Variants in SLC19A1 observed in about 807,000 individuals in gnomAD.
The protein encoded by SLC19A1 is reduced folate transporter.
In SLC19A1, 37 loss-of-function variants were observed where a neutral mutation model predicts 35.3. That is an observed-to-expected ratio of 1.05 (90% CI 0.81 to 1.38). SLC19A1 has a LOEUF of 1.38. Ranked by LOEUF, SLC19A1 falls within the 40% of genes most tolerant of loss-of-function variation. The pLI is 0.00. For missense variants in SLC19A1, 831 were observed against 826.9 expected, an observed-to-expected ratio of 1.00 and a Z score of -0.06; for synonymous variants, 460 against 398.5, an observed-to-expected ratio of 1.15 and a Z score of -1.84.
At chr21:45,512,362 C>T (rs1171902353), downstream of SLC19A1, 5 of 1,612,788 alleles carry the variant, frequency 3.1e-6, no homozygotes, top group Non-Finnish European at 4.2e-6. Context: ...ACATCGTGCT[C>T]TGCATTGAGA....
chr21:45,537,897 C>A lies in SLC19A1; in HGVS notation c.63G>T (p.Glu21Asp). The A allele has an allele frequency of 6.3e-7, 1 of 1,598,392 alleles. No homozygotes were observed. Among genetic ancestry groups the A allele is most frequent in the Non-Finnish European group, 8.5e-7 (1 of 1,175,532 alleles). Residue 21 changes from glutamate to aspartate, a missense_variant, in exon 2 of 6, where the codon GAG becomes GAT. Transcript: ENST00000311124. ...ACACGAGGTGCCGCCAGGACCGGAG[C>A]TCGGGGTCAGGCCCAGGTTCCACGG... ...QVPVEPGPDP[E>D]LRSWRHLVCY...
chr21:45,511,302 G>A, downstream of SLC19A1: 1 of 766,364 alleles, frequency 1.3e-6, no homozygotes, highest in Non-Finnish European at 2.3e-6. Flanking sequence ...CCTATCTGCA[G>A]TTTCCCCCCG....
At chr21:45,512,141 AAGCAGAGC>A (rs1252890884), downstream of SLC19A1, 1 of 1,570,474 alleles carries the variant, frequency 6.4e-7, no homozygotes, top group Non-Finnish European at 8.7e-7. Context: ...CCTCTGCCCT[AAGCAGAGC>A]AGGTCTGGGT....
intron 3 of SLC19A1, chr21:45,503,083 C>T (rs572835660): frequency 6.6e-6 from 1 of 152,222 alleles, no homozygotes; most frequent in East Asian, 1.9e-4. Flanking sequence ...TGTGTATATA[C>T]CCAGTAATGG....
intron 1 of SLC19A1, among the ~76,000 whole-genome samples, chr21:45,559,716 G>A (rs1014055974): frequency 6.6e-6 from 1 of 152,194 alleles, no homozygotes; most frequent in Non-Finnish European, 1.5e-5. Context: ...AGCACACGCA[G>A]AGCTTCCGTG....
chr21:45,518,948 T>A (rs998867539), intron 5 of SLC19A1, among the ~76,000 whole-genome samples: 6 of 152,210 alleles, frequency 3.9e-5, no homozygotes, highest in Non-Finnish European at 5.9e-5. Flanking sequence ...AATACCACAG[T>A]AGGCAACATT....
chr21:45,558,952 G>A (rs1456203348), intron 1 of SLC19A1, among the ~76,000 whole-genome samples: 1 of 151,870 alleles, frequency 6.6e-6, no homozygotes, highest in Non-Finnish European at 1.5e-5. Context: ...GGGATTACAG[G>A]TGCACACCAC....
chr21:45,504,225 G>T, intron 3 of SLC19A1: 1 of 929,854 alleles, frequency 1.1e-6, no homozygotes. Context: ...TCCTGTCCCC[G>T]GCTCAGTTTT....
chr21:45,547,720 C>G (rs985855513), upstream of SLC19A1, among the ~76,000 whole-genome samples: 1 of 152,206 alleles, frequency 6.6e-6, no homozygotes, highest in Non-Finnish European at 1.5e-5. Flanking sequence ...TGATTGGTGT[C>G]TCATGTTCCC....
chr21:45,536,070 T>G lies in SLC19A1; in HGVS notation c.189+1701A>C, dbSNP rs955463182. ...TTGTCGGGCCCCAGGAGGGAGGGCG[T>G]GATGAAGCTCTCCCCGGGCCTCTCC... On this transcript the variant is annotated intron_variant, in intron 2 of 5. Coordinates refer to ENST00000311124, the MANE Select transcript of SLC19A1 (RefSeq NM_194255.4). The G allele has an allele frequency of 1.2e-5, 4 of 346,552 alleles. No individual in the cohort carries two copies. In the Admixed American group the frequency reaches 2.5e-4, roughly 21 times the overall value. 21.5% of individuals were successfully genotyped at this position (346,552 alleles called of 1,614,324 possible). A position where few individuals can be genotyped will look rare whatever the true frequency, so the allele number is the denominator to read the frequency against.
intron 5 of SLC19A1, among the ~76,000 whole-genome samples, chr21:45,519,694 T>C (rs999591117): frequency 4.0e-5 from 6 of 151,370 alleles, no homozygotes; most frequent in African/African-American, 1.5e-4. Context: ...ATCCCTAACG[T>C]GTATGCAACA....
At chr21:45,516,277 C>A in intron 5 of SLC19A1, 137 bp from the exon 6 acceptor site, 1 of 675,136 alleles carries the variant, frequency 1.5e-6, no homozygotes, top group Non-Finnish European at 2.5e-6. Flanking sequence ...CGGTCAGAGG[C>A]CAGCCCCAGG....
chr21:45,529,879 G>C (rs2077799892), intron 4 of SLC19A1, among the ~76,000 whole-genome samples: 1 of 151,360 alleles, frequency 6.6e-6, no homozygotes, highest in South Asian at 2.1e-4. Context: ...GCATTCATGT[G>C]AGTGTGGTGG....
chr21:45,509,314 G>A (rs1401116276), downstream of SLC19A1: 1 of 1,536,768 alleles, frequency 6.5e-7, no homozygotes. Context: ...GGGGCACCCG[G>A]AGGGTCCCCC....
intron 1 of SLC19A1, 59 bp from the exon 2 acceptor site, chr21:45,538,067 C>T (rs758640970): frequency 3.1e-5 from 32 of 1,038,988 alleles, no homozygotes; most frequent in Non-Finnish European, 4.0e-5. Context: ...CTCCCTACCC[C>T]GCAAAACGAG....
At chr21:45,536,781 G>A (rs983373171) in intron 2 of SLC19A1, among the ~76,000 whole-genome samples, 10 of 152,182 alleles carry the variant, frequency 6.6e-5, no homozygotes, top group African/African-American at 1.2e-4. Flanking sequence ...CGGGGTCAGC[G>A]GCTGGGATGG....
At chr21:45,538,130 A>T (rs2078192340) in intron 1 of SLC19A1, 122 bp from the exon 2 acceptor site, 1 of 573,568 alleles carries the variant, frequency 1.7e-6, no homozygotes, top group Non-Finnish European at 3.0e-6. Context: ...CTGGAGACGA[A>T]TGCAGACCCC....
At position 45,531,446 on chromosome 21, in the gene SLC19A1, T is replaced by TG; in HGVS notation, c.891dup (p.Thr298HisfsTer96). On this transcript the variant is annotated frameshift_variant, in exon 3 of 6. Transcript: ENST00000311124. LOFTEE classifies it high-confidence loss of function. ...TTGTAGACCCGCGCACTGTTGGTGG[T>TG]GGGGTCCACCTCGTTCCACAGGATG... is the stretch of plus-strand genomic sequence containing the variant. The TG allele has an allele frequency of 6.2e-7, 1 of 1,611,558 alleles. No individual in the cohort carries two copies. Among genetic ancestry groups the TG allele is most frequent in the South Asian group, 1.1e-5 (1 of 90,938 alleles).
At chr21:45,545,001 C>T (rs1284655751), upstream of SLC19A1, among the ~76,000 whole-genome samples, 1 of 152,210 alleles carries the variant, frequency 6.6e-6, no homozygotes, top group Non-Finnish European at 1.5e-5. Context: ...CAGTGGCATT[C>T]GAGCAGCCCT....
Sources: gnomAD v4.1 joint callset for allele counts (sites outside exome capture counted in the v4.1 genomes callset) on GRCh38, gnomAD v4.1.1 for gene constraint, MANE v1.5 for transcripts, NCBI Gene and HGNC (gene_info 2026-07-23, HGNC 2026-07-21) for gene names.